The following TEX9 variants were observed in gnomAD, a reference collection of about 807,000 sequenced individuals.
TEX9 encodes testis-expressed protein 9.
TEX9 carries 74 observed loss-of-function variants against 59.6 expected under a neutral mutation model. That is an observed-to-expected ratio of 1.24 (90% CI 1.03 to 1.51). TEX9 has a LOEUF of 1.51. TEX9 is among the 40% of genes most tolerant of loss of function. The pLI is 0.00. For missense variants in TEX9, 522 were observed against 447.8 expected (o/e 1.17, Z -1.49); for synonymous variants, 186 against 152.2 (o/e 1.22, Z -1.64).
chr15:56,271,482 C>G (rs1407830219), intron 1 of TEX9, among the ~76,000 whole-genome samples: 1 of 152,108 alleles, frequency 6.6e-6, no homozygotes, highest in Non-Finnish European at 1.5e-5. Context: ...CTTTTCCTCT[C>G]AAGATGGGGT....
At chr15:56,402,280 C>T (rs78357751) in intron 9 of TEX9, among the ~76,000 whole-genome samples, 8,843 of 152,010 alleles carry the variant, frequency 0.058, 662 homozygotes, top group East Asian at 0.37. Flanking sequence ...ATCAAATAGA[C>T]GCAATAAAAA....
chr15:56,285,209 T>C (rs1396844071), intron 1 of TEX9, among the ~76,000 whole-genome samples: 1 of 152,164 alleles, frequency 6.6e-6, no homozygotes, highest in Non-Finnish European at 1.5e-5. Flanking sequence ...TTGATTTTCG[T>C]GTCTCTGAAC....
intron 1 of TEX9, among the ~76,000 whole-genome samples, chr15:56,324,410 G>C (rs2045974096): frequency 6.6e-6 from 1 of 152,114 alleles, no homozygotes; most frequent in African/African-American, 2.4e-5. Context: ...CCTTAGGAAG[G>C]CATATTAACA....
chr15:56,443,132 T>C (rs894845868), intron 12 of TEX9, among the ~76,000 whole-genome samples: 1 of 152,208 alleles, frequency 6.6e-6, no homozygotes, highest in Admixed American at 6.5e-5. Flanking sequence ...TTTTGACTAG[T>C]GTCTGTATGT....
At chr15:56,295,414 G>T (rs1258770582) in intron 1 of TEX9, among the ~76,000 whole-genome samples, 1 of 152,158 alleles carries the variant, frequency 6.6e-6, no homozygotes, top group South Asian at 2.1e-4. Flanking sequence ...GTTCTAACTG[G>T]ATATACCAGC....
At chr15:56,416,753 G>GT (rs1451262265) in intron 10 of TEX9, among the ~76,000 whole-genome samples, 2 of 151,154 alleles carry the variant, frequency 1.3e-5, no homozygotes, top group Admixed American at 6.6e-5. Flanking sequence ...TCCCTCCTCA[G>GT]TTTTTTGGAA....
At chr15:56,248,590 A>G (rs567427728) in intron 1 of TEX9, among the ~76,000 whole-genome samples, 32 of 152,216 alleles carry the variant, frequency 2.1e-4, no homozygotes, top group Non-Finnish European at 4.4e-4. Context: ...GAAATTTTCC[A>G]CTGTTGGTAC....
At chr15:56,339,692 A>G (rs1489799783) in intron 1 of TEX9, among the ~76,000 whole-genome samples, 3 of 152,080 alleles carry the variant, frequency 2.0e-5, no homozygotes, top group African/African-American at 7.2e-5. Flanking sequence ...GCCAATTTAT[A>G]TGTTGAAACC....
At chr15:56,367,924 T>C (rs1434808952) in intron 2 of TEX9, among the ~76,000 whole-genome samples, 1 of 152,210 alleles carries the variant, frequency 6.6e-6, no homozygotes, top group Non-Finnish European at 1.5e-5. Context: ...ATTCTGTGAA[T>C]TCCCTTGGAT....
chr15:56,256,809 C>A (rs183534926), intron 1 of TEX9, among the ~76,000 whole-genome samples: 84 of 152,064 alleles, frequency 5.5e-4, no homozygotes, highest in Admixed American at 1.0e-3. Flanking sequence ...GGGGTACATG[C>A]GCAAGATATA....
chr15:56,458,660 A>G, the TEX9 span, among the ~76,000 whole-genome samples: 1 of 152,134 alleles, frequency 6.6e-6, no homozygotes, highest in Non-Finnish European at 1.5e-5. Flanking sequence ...TACTGTTTCC[A>G]TAGTTTTGCC....
chr15:56,383,836 G>A, intron 3 of TEX9, 116 bp from the exon 4 acceptor site: 1 of 679,584 alleles, frequency 1.5e-6, no homozygotes, highest in Non-Finnish European at 2.4e-6. Context: ...GTGCCTTTAT[G>A]TTATGGAAAC....
chr15:56,294,223 G>A (rs1299491587), intron 1 of TEX9, among the ~76,000 whole-genome samples: 11 of 152,148 alleles, frequency 7.2e-5, no homozygotes, highest in Admixed American at 1.3e-4. Context: ...TTTCACTAGC[G>A]TTTTCTAAGA....
At chr15:56,289,883 G>A (rs1007529929) in intron 1 of TEX9, among the ~76,000 whole-genome samples, 31 of 152,178 alleles carry the variant, frequency 2.0e-4, no homozygotes, top group African/African-American at 5.3e-4. Context: ...TAAAGCAGCC[G>A]AGGAGCCAAG....
exon 9 of TEX9, chr15:56,394,725 A>T: frequency 6.2e-7 from 1 of 1,610,996 alleles, no homozygotes; most frequent in Non-Finnish European, 8.5e-7. Flanking sequence ...ATGAGACAGC[A>T]GCGAACAATT....
chr15:56,346,370 C>T (rs1453799323), intron 1 of TEX9, among the ~76,000 whole-genome samples: 1 of 152,126 alleles, frequency 6.6e-6, no homozygotes, highest in African/African-American at 2.4e-5. Flanking sequence ...GTGTCTGGCT[C>T]TTACTAGGGA....
At chr15:56,460,009 A>AAAAAAAAATATATAT in the TEX9 span, among the ~76,000 whole-genome samples, 11 of 26,386 alleles carry the variant, frequency 4.2e-4, 4 homozygotes, top group Non-Finnish European at 4.9e-4. Context: ...AAAAAAAAAA[A>AAAAAAAAATATATAT]ATACATATAT....
chr15:56,434,434 C>A, intron 12 of TEX9: 1 of 1,558,688 alleles, frequency 6.4e-7, no homozygotes, highest in South Asian at 1.2e-5. Context: ...GTAACTATTT[C>A]CTTACACCAG....
exon 2 of TEX9, chr15:56,365,652 C>A (rs746896086): frequency 6.2e-7 from 1 of 1,614,124 alleles, no homozygotes; most frequent in Non-Finnish European, 8.5e-7. Flanking sequence ...GACCTCCTCG[C>A]CTTGGAGGAA....
Sources: allele counts gnomAD v4.1 joint callset (sites outside exome capture counted in the v4.1 genomes callset), GRCh38; gene constraint gnomAD v4.1.1; transcripts MANE v1.5; gene names NCBI Gene and HGNC (gene_info 2026-07-23, HGNC 2026-07-21).